Variants in NFATC3 observed in about 807,000 individuals in gnomAD.
NFATC3 encodes nuclear factor of activated T cells 3.
In NFATC3, 46 loss-of-function variants were observed where a neutral mutation model predicts 98.6. The ratio of observed to expected loss-of-function variants is 0.47; its 90% CI spans 0.37 to 0.60. NFATC3 has a LOEUF of 0.60. NFATC3 is among the 20% of genes least tolerant of loss of function. NFATC3 has a pLI of 0.00. For missense variants in NFATC3, 1,256 were observed against 1,295.5 expected (o/e 0.97, Z 0.47); for synonymous variants, 512 against 472.2 (o/e 1.08, Z -1.09).
At chr16:68,217,868 A>G (rs2041697548) in intron 9 of NFATC3, 6 of 1,227,194 alleles carry the variant, frequency 4.9e-6, no homozygotes, top group African/African-American at 1.6e-5. Flanking sequence ...TGCATGGGCC[A>G]TACCTAGCTA....
chr16:68,177,901 T>C (rs2151619913), intron 6 of NFATC3, among the ~76,000 whole-genome samples: 1 of 152,300 alleles, frequency 6.6e-6, no homozygotes, highest in Admixed American at 6.5e-5. Flanking sequence ...TAATCTTTTG[T>C]CTTTCACTTC....
intron 1 of NFATC3, among the ~76,000 whole-genome samples, chr16:68,104,183 T>C (rs2151467755): frequency 6.6e-6 from 1 of 152,356 alleles, no homozygotes; most frequent in Admixed American, 6.5e-5. Context: ...TTACCACTTA[T>C]TTAGGTCTTC....
chr16:68,155,413 A>G (rs1023145098), intron 3 of NFATC3, among the ~76,000 whole-genome samples: 2 of 152,218 alleles, frequency 1.3e-5, no homozygotes, highest in Admixed American at 1.3e-4. Context: ...AAGACCCAAG[A>G]TCTAGTAACA....
intron 1 of NFATC3, among the ~76,000 whole-genome samples, chr16:68,100,211 CT>C (rs796435258): frequency 1.3e-5 from 2 of 151,186 alleles, no homozygotes; most frequent in Non-Finnish European, 3.0e-5. Flanking sequence ...TGTGTTGTTT[CT>C]TTTTTTTTCT....
chr16:68,086,707 C>T, intron 1 of NFATC3: 1 of 985,332 alleles, frequency 1.0e-6, no homozygotes, highest in Non-Finnish European at 1.2e-6. Flanking sequence ...AGGTGAATTT[C>T]TTAATGTTCA....
intron 3 of NFATC3, among the ~76,000 whole-genome samples, chr16:68,127,385 GA>G (rs2036892272): frequency 6.6e-6 from 1 of 151,920 alleles, no homozygotes; most frequent in Admixed American, 6.6e-5. Flanking sequence ...AAAATGAATG[GA>G]TTTTTTTAAG....
intron 1 of NFATC3, among the ~76,000 whole-genome samples, chr16:68,103,897 T>C (rs536543722): frequency 6.6e-6 from 1 of 152,326 alleles, no homozygotes; most frequent in South Asian, 2.1e-4. Flanking sequence ...ATTCCATTGA[T>C]TAATACATCT....
intron 8 of NFATC3, chr16:68,189,143 C>G (rs1169015117): frequency 6.6e-6 from 1 of 152,190 alleles, no homozygotes; most frequent in East Asian, 1.9e-4. Flanking sequence ...GATTTTATTT[C>G]TGGACTCTAT....
At chr16:68,223,230 A>G (rs956441406) in intron 9 of NFATC3, among the ~76,000 whole-genome samples, 1 of 152,216 alleles carries the variant, frequency 6.6e-6, no homozygotes, top group African/African-American at 2.4e-5. Flanking sequence ...TAGCCTGGCA[A>G]ATTTACTTAA....
Position 68,183,283 on chromosome 16 carries a change from T to C in NFATC3, c.2015T>C (p.Val672Ala). The stretch of plus-strand genomic sequence containing the variant: ...GTTCCTCCATATCATAACCCAGCAG[T>C]TACAGCTGCAGTGCAGGTGCACTTT... ...LEVPPYHNPA[V>A]TAAVQVHFYL... Residue 672 changes from valine (V) to alanine (A), a missense_variant, in exon 8 of 10, where the codon GTT (valine) becomes GCT (alanine). Val to Ala is a moderately conservative substitution (Grantham distance 64). Coordinates refer to ENST00000346183, the MANE Select transcript of NFATC3 (RefSeq NM_173165.3). The C allele has an allele frequency of 1.2e-6, 2 of 1,607,238 alleles. No individual in the cohort carries two copies. Among genetic ancestry groups the C allele is most frequent in the Non-Finnish European group, 1.7e-6 (2 of 1,178,122 alleles).
At chr16:68,103,117 A>G (rs918912171) in intron 1 of NFATC3, among the ~76,000 whole-genome samples, 1 of 151,918 alleles carries the variant, frequency 6.6e-6, no homozygotes, top group African/African-American at 2.4e-5. Flanking sequence ...GCCTTATCAG[A>G]TCTAAGATTT....
chr16:68,207,310 C>CAAAAAAA (rs112021651), intron 9 of NFATC3, among the ~76,000 whole-genome samples: 1 of 115,086 alleles, frequency 8.7e-6, no homozygotes. Context: ...AACTCCATCT[C>CAAAAAAA]AAAAAAAAAA....
At chr16:68,136,966 G>A (rs923748929) in intron 3 of NFATC3, among the ~76,000 whole-genome samples, 1 of 152,196 alleles carries the variant, frequency 6.6e-6, no homozygotes. Context: ...GAGCTTGTAG[G>A]ACTGGAAGTT....
intron 9 of NFATC3, among the ~76,000 whole-genome samples, chr16:68,201,471 A>G (rs901179099): frequency 7.4e-5 from 11 of 149,274 alleles, no homozygotes; most frequent in East Asian, 2.0e-4. Context: ...GAGTTTCGCC[A>G]TGTTGCCCAG....
intron 6 of NFATC3, 112 bp downstream of exon 6, chr16:68,174,626 G>A (rs1043073155): frequency 3.7e-6 from 3 of 806,718 alleles, no homozygotes; most frequent in Non-Finnish European, 5.3e-6. Flanking sequence ...AGCTATGGGT[G>A]TCATTTTGCA....
intron 1 of NFATC3, among the ~76,000 whole-genome samples, chr16:68,109,348 T>C (rs1372300092): frequency 6.6e-6 from 1 of 152,204 alleles, no homozygotes; most frequent in Non-Finnish European, 1.5e-5. Context: ...ATTTTTGTCT[T>C]TAGTTCTGTT....
At chr16:68,137,875 C>T (rs2037521748) in intron 3 of NFATC3, among the ~76,000 whole-genome samples, 1 of 152,114 alleles carries the variant, frequency 6.6e-6, no homozygotes, top group African/African-American at 2.4e-5. Flanking sequence ...CTCGGTCGGC[C>T]TCCCAAAGTG....
At chr16:68,152,899 A>G (rs2038412748) in intron 3 of NFATC3, among the ~76,000 whole-genome samples, 1 of 152,230 alleles carries the variant, frequency 6.6e-6, no homozygotes, top group South Asian at 2.1e-4. Context: ...TGGCACTCTC[A>G]TCACTTCACA....
chr16:68,170,386 CAAA>C (rs112305272), intron 5 of NFATC3, among the ~76,000 whole-genome samples: 1 of 81,048 alleles, frequency 1.2e-5, no homozygotes, highest in Non-Finnish European at 2.7e-5. Context: ...GATTCTGTCT[CAAA>C]AAAAAAAAAA....
Sources: gnomAD v4.1 joint callset for allele counts (sites outside exome capture counted in the v4.1 genomes callset) on GRCh38, gnomAD v4.1.1 for gene constraint, MANE v1.5 for transcripts, NCBI Gene and HGNC (gene_info 2026-07-23, HGNC 2026-07-21) for gene names.